The following TBC1D5 variants were observed in gnomAD, a reference collection of about 807,000 sequenced individuals.
TBC1D5 encodes TBC1 domain family member 5.
In TBC1D5, 75 loss-of-function variants were observed where a neutral mutation model predicts 100.3. The observed-to-expected ratio is 0.75, with a 90% CI of 0.62 to 0.91. The LOEUF (loss-of-function observed/expected upper bound fraction) is 0.91, where lower values mean the gene tolerates loss of function less well. Among genes scored for constraint, TBC1D5 ranks in the 40% least tolerant of loss-of-function variants. The probability of loss-of-function intolerance (pLI) is 0.00; values close to 1 mark genes in which losing one functional copy is unlikely to be tolerated. For synonymous variants in TBC1D5, 323 were observed against 325.6 expected (o/e 0.99, Z 0.09); for missense variants, 910 against 942.4 (o/e 0.97, Z 0.45).
intron 2 of TBC1D5, among the ~76,000 whole-genome samples, chr3:17,553,760 T>G (rs967173862): frequency 7.9e-5 from 12 of 152,224 alleles, no homozygotes; most frequent in African/African-American, 1.9e-4. Context: ...ATGTATCATG[T>G]TAACAATTCT....
chr3:17,263,051 A>G (rs1190212781), intron 15 of TBC1D5, among the ~76,000 whole-genome samples: 2 of 152,040 alleles, frequency 1.3e-5, no homozygotes, highest in Non-Finnish European at 2.9e-5. Context: ...AAATAGCAAG[A>G]CCACAGTCTC....
Position 17,226,473 on chromosome 3 carries a change from G to A in TBC1D5, c.1588+11690C>T, listed in dbSNP as rs906855843. Among the ~76,000 whole-genome samples the A allele has an allele frequency of 2.0e-5, 3 of 152,048 alleles. No individual in the cohort carries two copies. The East Asian group carries it at 5.8e-4, about 29-fold the overall frequency. On this transcript the variant is annotated intron_variant, in intron 17 of 21. Transcript: ENST00000253692. ...CTTATTTCCCCCAGCTGCTGGAAAT[G>A]CTGGCTGTTGATGGCTCCCCTGAGT...
intron 13 of TBC1D5, among the ~76,000 whole-genome samples, chr3:17,323,210 A>G (rs2085652789): frequency 6.6e-6 from 1 of 152,152 alleles, no homozygotes; most frequent in Non-Finnish European, 1.5e-5. Flanking sequence ...GGAAGGAAAT[A>G]ACGCCAGTTT....
At chr3:17,278,267 T>C (rs975319438) in intron 15 of TBC1D5, among the ~76,000 whole-genome samples, 2 of 152,216 alleles carry the variant, frequency 1.3e-5, no homozygotes, top group Non-Finnish European at 2.9e-5. Context: ...ATTCTCATCC[T>C]AGCTGAGCAT....
intron 8 of TBC1D5, among the ~76,000 whole-genome samples, chr3:17,402,405 G>C (rs932817498): frequency 2.0e-5 from 3 of 152,044 alleles, no homozygotes; most frequent in African/African-American, 7.2e-5. Context: ...ATTACATTAA[G>C]TTTACTAACA....
chr3:17,383,231 A>G (rs1168201135), intron 9 of TBC1D5, among the ~76,000 whole-genome samples: 1 of 151,904 alleles, frequency 6.6e-6, no homozygotes, highest in African/African-American at 2.4e-5. Context: ...ACTTTTGATT[A>G]TTAGAGAATT....
intron 2 of TBC1D5, among the ~76,000 whole-genome samples, chr3:17,554,125 C>G (rs11914797): frequency 0.072 from 11,003 of 152,170 alleles, 815 homozygotes; most frequent in African/African-American, 0.19. Context: ...TTCTACAGCA[C>G]CATAACATAT....
intron 2 of TBC1D5, among the ~76,000 whole-genome samples, chr3:17,603,644 T>C (rs2061147193): frequency 6.6e-6 from 1 of 152,024 alleles, no homozygotes; most frequent in Non-Finnish European, 1.5e-5. Flanking sequence ...TCAAAGTCAT[T>C]CTTTTATTCT....
chr3:17,244,358 T>C (rs1272993337), intron 16 of TBC1D5, among the ~76,000 whole-genome samples: 2 of 152,210 alleles, frequency 1.3e-5, no homozygotes, highest in African/African-American at 4.8e-5. Flanking sequence ...AATAAGAGGC[T>C]TGTATACTAG....
At chr3:17,408,992 A>G (rs914025877) in intron 4 of TBC1D5, among the ~76,000 whole-genome samples, 2 of 152,160 alleles carry the variant, frequency 1.3e-5, no homozygotes, top group African/African-American at 4.8e-5. Context: ...CTGATATCTC[A>G]TAATGTTCAA....
At chr3:17,225,915 T>C (rs146115980) in intron 17 of TBC1D5, among the ~76,000 whole-genome samples, 170 of 152,114 alleles carry the variant, frequency 1.1e-3, no homozygotes, top group African/African-American at 3.8e-3. Context: ...AATCTAGAGA[T>C]GAAGTATAGA....
intron 2 of TBC1D5, among the ~76,000 whole-genome samples, chr3:17,512,628 T>C (rs2095925681): frequency 6.6e-6 from 1 of 152,190 alleles, no homozygotes. Flanking sequence ...AAAAGCAATC[T>C]CATTTTTCTG....
At chr3:17,221,379 C>T (rs2074266490) in intron 17 of TBC1D5, among the ~76,000 whole-genome samples, 1 of 151,966 alleles carries the variant, frequency 6.6e-6, no homozygotes, top group African/African-American at 2.4e-5. Context: ...TGGTGTGCTG[C>T]ACCCATTAAC....
At chr3:17,624,729 T>C (rs2153657909) in intron 1 of TBC1D5, among the ~76,000 whole-genome samples, 1 of 152,230 alleles carries the variant, frequency 6.6e-6, no homozygotes, top group Middle Eastern at 3.4e-3. Flanking sequence ...AAGAACAGGG[T>C]ATCTGTACTA....
At chr3:17,529,658 T>A (rs2096191492) in intron 2 of TBC1D5, among the ~76,000 whole-genome samples, 1 of 152,068 alleles carries the variant, frequency 6.6e-6, no homozygotes, top group Non-Finnish European at 1.5e-5. Flanking sequence ...TATTTTTATT[T>A]TTTTTTGAGA....
chr3:17,543,293 T>G (rs961328588), intron 2 of TBC1D5, among the ~76,000 whole-genome samples: 1 of 152,188 alleles, frequency 6.6e-6, no homozygotes, highest in African/African-American at 2.4e-5. Context: ...TGGGGTGGCG[T>G]TCCTAATCAA....
chr3:17,638,842 T>C (rs1408583162), intron 1 of TBC1D5, among the ~76,000 whole-genome samples: 1 of 151,976 alleles, frequency 6.6e-6, no homozygotes, highest in Non-Finnish European at 1.5e-5. Context: ...TAAAAGAATA[T>C]ATAATAAAAA....
intron 17 of TBC1D5, among the ~76,000 whole-genome samples, chr3:17,219,963 G>A (rs2122368): frequency 0.39 from 59,810 of 151,882 alleles, 12,512 homozygotes; most frequent in Middle Eastern, 0.49. Context: ...CTGCTGACTT[G>A]CTTTCTGAAC....
At chr3:17,215,606 T>C (rs2073538981) in intron 17 of TBC1D5, among the ~76,000 whole-genome samples, 1 of 152,042 alleles carries the variant, frequency 6.6e-6, no homozygotes, top group African/African-American at 2.4e-5. Flanking sequence ...GCTAGAGATA[T>C]ACATTTGGAA....
Sources: gnomAD v4.1 joint callset for allele counts (sites outside exome capture counted in the v4.1 genomes callset) on GRCh38, gnomAD v4.1.1 for gene constraint, MANE v1.5 for transcripts, NCBI Gene and HGNC (gene_info 2026-07-23, HGNC 2026-07-21) for gene names.